USP10: variants seen among roughly 807,000 people sequenced by gnomAD.
USP10 encodes the protein ubiquitin carboxyl-terminal hydrolase 10.
USP10 carries 22 observed loss-of-function variants against 84.5 expected under a neutral mutation model. The ratio of observed to expected loss-of-function variants is 0.26; its 90% CI spans 0.19 to 0.37. The LOEUF is 0.37. Among genes scored for constraint, USP10 ranks in the 10% least tolerant of loss-of-function variants. The pLI, the probability that USP10 is intolerant of heterozygous loss-of-function variation, is 1.00. For missense variants in USP10, 1,019 were observed against 998.9 expected, an observed-to-expected ratio of 1.02 and a Z score of -0.27; for synonymous variants, 454 against 387.6, an observed-to-expected ratio of 1.17 and a Z score of -2.01.
chr16:84,768,655 C>T (rs1211667801), intron 11 of USP10, among the ~76,000 whole-genome samples: 2 of 152,164 alleles, frequency 1.3e-5, no homozygotes, highest in African/African-American at 4.8e-5. Context: ...ATCAATACTA[C>T]CTCTGACAGA....
intron 2 of USP10, among the ~76,000 whole-genome samples, chr16:84,735,219 G>A (rs1057328191): frequency 4.3e-4 from 27 of 63,308 alleles, no homozygotes; most frequent in Admixed American, 2.2e-3. Context: ...GTGTGTGTGT[G>A]TGTGTGTGTG....
At chr16:84,742,989 A>G (rs1307853353) in intron 3 of USP10, among the ~76,000 whole-genome samples, 2 of 152,116 alleles carry the variant, frequency 1.3e-5, no homozygotes, top group African/African-American at 4.8e-5. Flanking sequence ...TTCTAATGTG[A>G]TTTCACAGCC....
At chr16:84,769,208 A>G (rs981554449) in intron 11 of USP10, among the ~76,000 whole-genome samples, 3 of 152,186 alleles carry the variant, frequency 2.0e-5, no homozygotes, top group Admixed American at 1.3e-4. Flanking sequence ...AGGTGCCCCA[A>G]CGTAGAAGAC....
At chr16:84,701,088 A>C (rs1904806776) in intron 1 of USP10, among the ~76,000 whole-genome samples, 1 of 152,248 alleles carries the variant, frequency 6.6e-6, no homozygotes, top group African/African-American at 2.4e-5. Context: ...CAAAGTAGCC[A>C]TTCGGGAAAC....
In USP10 at chr16:84,763,123, A is replaced by G; in HGVS notation, c.1654+35A>G. On this transcript the variant is annotated intron_variant, in intron 9 of 13. Transcript: ENST00000219473. ...GGTCCACTTGCCGCAGAGTTGTGCA[A>G]GAGTTCGCTGTAAACAGGTGTTGCA... 2.1e-6 allele frequency: 3 copies of G among 1,453,864 alleles called. No homozygotes were observed. In the South Asian group the frequency reaches 3.5e-5, roughly 17 times the overall value. 90.1% of individuals were successfully genotyped at this position (1,453,864 alleles called of 1,614,324 possible).
chr16:84,767,587 G>A (rs1391384041), intron 10 of USP10, among the ~76,000 whole-genome samples: 7 of 152,136 alleles, frequency 4.6e-5, no homozygotes, highest in African/African-American at 9.7e-5. Flanking sequence ...AAGCAGCAGC[G>A]TTTTGAGGCC....
chr16:84,737,492 A>AGGT lies in USP10; in HGVS notation c.91-2815_91-2813dup, dbSNP rs545285635. Among the ~76,000 whole-genome samples, 258 of 152,348 alleles carry AGGT rather than the reference A, an allele frequency of 1.7e-3. 1 individual carries two copies. The highest frequency in any genetic ancestry group is 2.8e-3 in the Non-Finnish European group (192 of 68,030). On this transcript the variant is annotated intron_variant, in intron 2 of 13. Coordinates refer to ENST00000219473, the MANE Select transcript of USP10 (RefSeq NM_005153.3). ...GTGTGAGGGAGGTTTGCTGAATGAA[A>AGGT]GGTGCTGTGTGCCTGTGGAATAAAA...
intron 1 of USP10, among the ~76,000 whole-genome samples, chr16:84,705,608 G>T (rs1905384438): frequency 6.6e-6 from 1 of 151,024 alleles, no homozygotes. Flanking sequence ...CTTTCTTCCT[G>T]ATCTGATGGT....
chr16:84,737,034 C>T (rs768538407), intron 2 of USP10, among the ~76,000 whole-genome samples: 3 of 152,076 alleles, frequency 2.0e-5, no homozygotes, highest in African/African-American at 4.8e-5. Flanking sequence ...GTGGTCTGCC[C>T]GCCTCGGCTT....
intron 1 of USP10, among the ~76,000 whole-genome samples, chr16:84,729,066 G>A (rs758893486): frequency 2.0e-5 from 3 of 152,128 alleles, no homozygotes; most frequent in Non-Finnish European, 4.4e-5. Context: ...TGGAAGTGAC[G>A]AGATTACAAG....
At chr16:84,767,619 T>C (rs1415767966) in intron 10 of USP10, among the ~76,000 whole-genome samples, 1 of 152,154 alleles carries the variant, frequency 6.6e-6, no homozygotes, top group Admixed American at 6.5e-5. Flanking sequence ...GCTGCCTTTA[T>C]GAACCGGTGC....
At chr16:84,729,039 C>G (rs977430987) in intron 1 of USP10, among the ~76,000 whole-genome samples, 6 of 152,164 alleles carry the variant, frequency 3.9e-5, no homozygotes, top group African/African-American at 1.4e-4. Context: ...GTCAAGTGAT[C>G]TGCTCGCCTC....
chr16:84,715,632 C>A (rs1250850638), intron 1 of USP10, among the ~76,000 whole-genome samples: 1 of 151,776 alleles, frequency 6.6e-6, no homozygotes, highest in Non-Finnish European at 1.5e-5. Context: ...GTTAGGGTGC[C>A]CTCCCTTTTT....
chr16:84,749,287 C>T (rs536260134), intron 4 of USP10, among the ~76,000 whole-genome samples: 89 of 152,244 alleles, frequency 5.8e-4, no homozygotes, highest in African/African-American at 2.1e-3. Context: ...TAAGTGTAGG[C>T]CCACTTATTT....
At chr16:84,761,879 T>G (rs1352509028) in intron 8 of USP10, among the ~76,000 whole-genome samples, 1 of 152,264 alleles carries the variant, frequency 6.6e-6, no homozygotes, top group African/African-American at 2.4e-5. Context: ...ATGAAAAGTC[T>G]TCAGCACACT....
intron 3 of USP10, among the ~76,000 whole-genome samples, chr16:84,743,978 A>T (rs549509204): frequency 6.6e-6 from 1 of 152,338 alleles, no homozygotes; most frequent in Non-Finnish European, 1.5e-5. Flanking sequence ...GAAGGTTACC[A>T]GCGGAGGAGA....
At chr16:84,731,544 A>G (rs980167250) in intron 1 of USP10, among the ~76,000 whole-genome samples, 3 of 146,860 alleles carry the variant, frequency 2.0e-5, no homozygotes, top group African/African-American at 8.2e-5. Context: ...TGTATGTGAC[A>G]GAAAGTGTTC....
chr16:84,760,342 T>C, intron 8 of USP10, 67 bp downstream of exon 8: 2 of 1,377,904 alleles, frequency 1.5e-6, no homozygotes, highest in Non-Finnish European at 2.0e-6. Context: ...GTGTGGTAAC[T>C]GTTGCTTATT....
rs376211856 is a variant in USP10 at position 84,770,226 on chromosome 16, G to T, written c.1998+1868G>T. On this transcript the variant is annotated intron_variant, in intron 11 of 13. Coordinates refer to ENST00000219473, the MANE Select transcript of USP10 (RefSeq NM_005153.3). ...TTGTGGTGGTGTGTTACCAGATGAG[G>T]CCAGGACCACTTTCAACAGCAGATG... 1.2e-3 allele frequency among the ~76,000 whole-genome samples: 183 copies of T among 152,302 alleles called. 1 individual carries two copies. Among genetic ancestry groups the T allele is most frequent in the African/African-American group, 4.0e-3 (166 of 41,570 alleles).
Sources: gnomAD v4.1 joint callset for allele counts (sites outside exome capture counted in the v4.1 genomes callset) on GRCh38, gnomAD v4.1.1 for gene constraint, MANE v1.5 for transcripts, NCBI Gene and HGNC (gene_info 2026-07-23, HGNC 2026-07-21) for gene names.